The following PPP1R12A variants were observed in gnomAD, a reference collection of about 807,000 sequenced individuals.
PPP1R12A encodes the protein myosin binding subunit.
In PPP1R12A, 19 loss-of-function variants were observed where a neutral mutation model predicts 139.6. The ratio of observed to expected loss-of-function variants is 0.14; its 90% confidence interval spans 0.09 to 0.20. The LOEUF (loss-of-function observed/expected upper bound fraction) is 0.20. PPP1R12A is among the 10% of genes least tolerant of loss of function. PPP1R12A has a pLI of 1.00. For missense variants in PPP1R12A, 925 were observed against 1,211.5 expected (o/e 0.76, Z 3.51); for synonymous variants, 427 against 420.6 (o/e 1.02, Z -0.19).
At chr12:79,846,721 G>A (rs1037754915) in intron 2 of PPP1R12A, among the ~76,000 whole-genome samples, 1 of 151,092 alleles carries the variant, frequency 6.6e-6, no homozygotes, top group Non-Finnish European at 1.5e-5. Flanking sequence ...GAGCCACCAC[G>A]CCTGGCCTAC....
intron 2 of PPP1R12A, among the ~76,000 whole-genome samples, chr12:79,856,315 A>G (rs542392843): frequency 2.0e-5 from 3 of 152,352 alleles, no homozygotes; most frequent in East Asian, 1.9e-4. Context: ...TATGGCTCCA[A>G]TAAGGCCCTT....
chr12:79,923,780 C>T (rs556178202), intron 1 of PPP1R12A, among the ~76,000 whole-genome samples: 3 of 152,120 alleles, frequency 2.0e-5, no homozygotes, highest in South Asian at 2.1e-4. Context: ...CGGTGGCTCA[C>T]GCCTGTAATC....
At chr12:79,928,781 A>C (rs1888037825) in intron 1 of PPP1R12A, among the ~76,000 whole-genome samples, 1 of 152,214 alleles carries the variant, frequency 6.6e-6, no homozygotes, top group South Asian at 2.1e-4. Flanking sequence ...CATCTTAAGA[A>C]GACTACACAA....
intron 2 of PPP1R12A, among the ~76,000 whole-genome samples, chr12:79,855,882 T>C (rs921508135): frequency 6.6e-6 from 1 of 152,146 alleles, no homozygotes; most frequent in Admixed American, 6.5e-5. Flanking sequence ...AGTACATTTT[T>C]ATATGACTGA....
At chr12:79,922,798 C>G (rs187224222) in intron 1 of PPP1R12A, among the ~76,000 whole-genome samples, 1 of 152,064 alleles carries the variant, frequency 6.6e-6, no homozygotes, top group East Asian at 1.9e-4. Flanking sequence ...ATAAGTATAC[C>G]CATGTAACAC....
At chr12:79,921,635 A>G (rs1029255031) in intron 1 of PPP1R12A, among the ~76,000 whole-genome samples, 2 of 152,290 alleles carry the variant, frequency 1.3e-5, no homozygotes, top group Admixed American at 6.5e-5. Context: ...CACCTCAACT[A>G]GATTGTATAC....
At chr12:79,781,247 TA>T (rs1224354521) in intron 23 of PPP1R12A, among the ~76,000 whole-genome samples, 1 of 152,142 alleles carries the variant, frequency 6.6e-6, no homozygotes, top group Non-Finnish European at 1.5e-5. Context: ...TTACAATCAA[TA>T]AAAACTTGCA....
intron 22 of PPP1R12A, among the ~76,000 whole-genome samples, chr12:79,786,109 C>G (rs1232086920): frequency 6.6e-6 from 1 of 152,014 alleles, no homozygotes; most frequent in Non-Finnish European, 1.5e-5. Flanking sequence ...TAATGACTTG[C>G]TACATTTGGT....
chr12:79,908,728 A>G (rs1886321866), intron 1 of PPP1R12A, among the ~76,000 whole-genome samples: 1 of 152,222 alleles, frequency 6.6e-6, no homozygotes, highest in Non-Finnish European at 1.5e-5. Context: ...GTGACCAGCT[A>G]GTTTGGTGTT....
At chr12:79,786,009 AC>A (rs1871084209) in intron 22 of PPP1R12A, among the ~76,000 whole-genome samples, 1 of 152,206 alleles carries the variant, frequency 6.6e-6, no homozygotes, top group South Asian at 2.1e-4. Context: ...CTTTACTTGA[AC>A]AAACATAAAA....
rs144933664 is a variant in PPP1R12A at position 79,861,482 on chromosome 12, G to C, written c.368+11326C>G. On this transcript the variant is annotated intron_variant, in intron 2 of 24. Transcript: ENST00000450142. ...GGTTGGACAGTGGGTGCAGCCCGCA[G>C]AGGGCGAGCTGAAGCAGGGCGGGGT... 2.6e-3 allele frequency among the ~76,000 whole-genome samples: 402 copies of C among 152,336 alleles called. 2 individuals carry two copies. Among genetic ancestry groups the C allele is most frequent in the African/African-American group, 9.0e-3 (375 of 41,590 alleles).
intron 2 of PPP1R12A, among the ~76,000 whole-genome samples, chr12:79,861,189 CTT>C (rs895632214): frequency 3.9e-5 from 6 of 152,108 alleles, no homozygotes; most frequent in African/African-American, 1.4e-4. Context: ...AGTAAGGAAA[CTT>C]TTAAAGACTA....
intron 1 of PPP1R12A, among the ~76,000 whole-genome samples, chr12:79,891,795 AT>A (rs955213645): frequency 2.6e-5 from 4 of 152,198 alleles, no homozygotes; most frequent in African/African-American, 9.7e-5. Flanking sequence ...GCCAAATGTC[AT>A]GCTGGAAGGC....
intron 2 of PPP1R12A, among the ~76,000 whole-genome samples, chr12:79,850,442 A>T (rs1411186525): frequency 6.6e-6 from 1 of 152,242 alleles, no homozygotes; most frequent in African/African-American, 2.4e-5. Flanking sequence ...CAAACCACAG[A>T]AGCAAATATT....
chr12:79,911,860 A>T (rs2136914672), intron 1 of PPP1R12A, among the ~76,000 whole-genome samples: 1 of 152,228 alleles, frequency 6.6e-6, no homozygotes, highest in Middle Eastern at 3.4e-3. Flanking sequence ...TACAGCCAGC[A>T]GCCGTCTCTT....
At chr12:79,926,876 TA>T (rs1887886086) in intron 1 of PPP1R12A, among the ~76,000 whole-genome samples, 1 of 152,068 alleles carries the variant, frequency 6.6e-6, no homozygotes, top group Non-Finnish European at 1.5e-5. Flanking sequence ...TACGTATGTA[TA>T]AAAAATTTAC....
At chr12:79,885,865 G>A (rs1351399919) in intron 1 of PPP1R12A, among the ~76,000 whole-genome samples, 1 of 151,848 alleles carries the variant, frequency 6.6e-6, no homozygotes, top group African/African-American at 2.4e-5. Context: ...TTCCTTTTTT[G>A]TTTGTTTTTT....
At chr12:79,859,420 T>C (rs1881069749) in intron 2 of PPP1R12A, among the ~76,000 whole-genome samples, 1 of 145,906 alleles carries the variant, frequency 6.9e-6, no homozygotes, top group Non-Finnish European at 1.5e-5. Context: ...GAGAAATAGA[T>C]ACTGGATATA....
In PPP1R12A at chr12:79,786,417, A is replaced by G. The variant is rs1592610147; in HGVS notation, c.2864T>C (p.Met955Thr). Residue 955 changes from methionine to threonine, a missense_variant, in exon 22 of 25, where the codon ATG becomes ACG. Met to Thr is a moderately conservative substitution (Grantham distance 81, BLOSUM62 -1). This residue lies in a region of PPP1R12A where 315 missense variants were observed against 363.4 expected (regional missense o/e 0.87). Coordinates refer to ENST00000450142, the MANE Select transcript of PPP1R12A (RefSeq NM_002480.3). ...CTGTAATTTAAGATCTGTTAGTTCC[A>G]TATTTGTATCATGTAGCTGTGCCTT... The part of the protein sequence containing the change: ...KLKAQLHDTN[M>T]ELTDLKLQLE... The G allele has an allele frequency of 6.4e-7, 1 of 1,563,590 alleles. No homozygotes were observed. The highest frequency in any genetic ancestry group is 8.7e-7 in the Non-Finnish European group (1 of 1,153,448).
Sources: allele counts gnomAD v4.1 joint callset (sites outside exome capture counted in the v4.1 genomes callset), GRCh38; gene constraint gnomAD v4.1.1; regional missense constraint gnomAD v4.1.1; transcripts MANE v1.5; gene names NCBI Gene and HGNC (gene_info 2026-07-23, HGNC 2026-07-21).